Variants in NDUFB7 observed in about 807,000 individuals in gnomAD.
NDUFB7 encodes NADH:ubiquinone oxidoreductase subunit B7.
NDUFB7 carries 18 observed loss-of-function variants against 14.7 expected under a neutral mutation model. The ratio of observed to expected loss-of-function variants is 1.22; its 90% CI spans 0.85 to 1.81. NDUFB7 has a LOEUF of 1.81. NDUFB7 is among the 40% of genes most tolerant of loss of function. NDUFB7 has a pLI of 0.00. For synonymous variants in NDUFB7, 86 were observed against 76.1 expected, an observed-to-expected ratio of 1.13 and a Z score of -0.68; for missense variants, 219 against 195.0, an observed-to-expected ratio of 1.12 and a Z score of -0.73.
rs2074091820 is a variant in NDUFB7, at chr19:14,566,821, G to T, written c.225C>A (p.Pro75=). 4 of 1,550,874 alleles carry T rather than the reference G, an allele frequency of 2.6e-6. No individual in the cohort carries two copies. The highest frequency in any genetic ancestry group is 3.5e-6 in the Non-Finnish European group (4 of 1,148,708). Residue 75 remains proline (P), a synonymous_variant, in exon 2 of 3, where the codon CCC becomes CCA. Transcript: ENST00000215565. ...GCTCCTGCTTGCAGGCCAGGAAGTT[G>T]GGGAAGCTGTCACGCTTGCACTTGA... ...RLLKCKRDSF[P]NFLACKQERH...
chr19:14,566,650 G>A (rs2074088957), intron 2 of NDUFB7, 115 bp downstream of exon 2: 1 of 970,620 alleles, frequency 1.0e-6, no homozygotes, highest in Non-Finnish European at 1.5e-6. Flanking sequence ...GGGGGTGGGA[G>A]GGGGGCTTGG....
At position 14,566,795 on chromosome 19, in the gene NDUFB7, C is replaced by T. The variant is rs559060112; in HGVS notation, c.251G>A (p.Arg84Gln). 56 of 1,546,184 alleles carry T rather than the reference C, an allele frequency of 3.6e-5. 1 individual carries two copies. Among genetic ancestry groups the T allele is most frequent in the Non-Finnish European group, 4.1e-5 (47 of 1,146,868 alleles). The change falls in exon 2 of 3, where the codon CGG becomes CAG. Residue 84 changes from arginine to glutamine, a missense_variant. Physicochemically the swap from Arg to Gln is conservative, Grantham distance 43. Coordinates refer to ENST00000215565, the MANE Select transcript of NDUFB7 (RefSeq NM_004146.6). ...GTGCTCGCAGTAGTCCCAGTCGTGC[C>T]GCTCCTGCTTGCAGGCCAGGAAGTT... The part of the protein sequence containing the change: ...FPNFLACKQE[R>Q]HDWDYCEHRD...
At chr19:14,571,827 T>C in intron 1 of NDUFB7, 62 bp downstream of exon 1, 2 of 1,476,408 alleles carry the variant, frequency 1.4e-6, no homozygotes, top group Admixed American at 1.9e-5. Context: ...AGCCCTGGGG[T>C]GCCAGGTGTT....
In NDUFB7 at chr19:14,567,227, A is replaced by G. The variant is rs1208673689; in HGVS notation, c.113-294T>C. On this transcript the variant is annotated intron_variant, in intron 1 of 2. Coordinates refer to ENST00000215565, the MANE Select transcript of NDUFB7 (RefSeq NM_004146.6). This position sits in a 1 kb window ranked among gnomAD's most constrained non-coding sequence, Gnocchi z 5.1. Reference sequence around the variant, plus strand: ...GTGCCGGATCCTTGCCTCCCCTCCCACAGGGATGCCCGTCCCCAGCTCTCT... The same window carrying G: ...GTGCCGGATCCTTGCCTCCCCTCCCGCAGGGATGCCCGTCCCCAGCTCTCT... 2.0e-5 allele frequency among the ~76,000 whole-genome samples: 3 copies of G among 151,880 alleles called. No homozygotes were observed. Among genetic ancestry groups the G allele is most frequent in the Non-Finnish European group, 4.4e-5 (3 of 67,936 alleles).
chr19:14,571,584 C>T (rs1197894040), intron 1 of NDUFB7, among the ~76,000 whole-genome samples: 1 of 147,936 alleles, frequency 6.8e-6, no homozygotes, highest in Non-Finnish European at 1.5e-5. Flanking sequence ...AAAGAAAAAG[C>T]GAGACTCCGT....
At chr19:14,569,278 G>C (rs2074111034) in intron 1 of NDUFB7, among the ~76,000 whole-genome samples, 1 of 151,906 alleles carries the variant, frequency 6.6e-6, no homozygotes, top group Admixed American at 6.6e-5. Context: ...CGGTCAGCAG[G>C]GACTGCAGGA....
rs184921678 is a variant in NDUFB7 at position 14,567,495 on chromosome 19, G to A, written c.113-562C>T. 5.9e-5 allele frequency among the ~76,000 whole-genome samples: 9 copies of A among 152,274 alleles called. No individual in the cohort carries two copies. Among genetic ancestry groups the A allele is most frequent in the Admixed American group, 4.6e-4 (7 of 15,286 alleles). On this transcript the variant is annotated intron_variant, in intron 1 of 2. Transcript: ENST00000215565. The surrounding 1 kb of genome is among the most constrained non-coding windows in gnomAD (Gnocchi z 5.1). The stretch of plus-strand genomic sequence containing the variant: ...AACAGTACCTGTAAGGTACTTAGGC[G>A]TGGGCTCAGAAGACAGCTGGACTAG...
chr19:14,568,376 T>G (rs546268495), intron 1 of NDUFB7, among the ~76,000 whole-genome samples: 1 of 152,164 alleles, frequency 6.6e-6, no homozygotes, highest in Non-Finnish European at 1.5e-5. Context: ...CCGCCCCGTA[T>G]GTAGATGAGC....
At chr19:14,566,992 T>A in intron 1 of NDUFB7, 59 bp from the exon 2 acceptor site, 1 of 1,500,122 alleles carries the variant, frequency 6.7e-7, no homozygotes. Flanking sequence ...ATTCCGGGGA[T>A]CCCCAGGGGA....
At chr19:14,571,423 C>T (rs2074124353) in intron 1 of NDUFB7, among the ~76,000 whole-genome samples, 1 of 152,046 alleles carries the variant, frequency 6.6e-6, no homozygotes, top group Non-Finnish European at 1.5e-5. Context: ...AGGAGAAACC[C>T]CGTCTCTACT....
chr19:14,566,628 G>C (rs1001582747), intron 2 of NDUFB7, 137 bp downstream of exon 2: 2 of 788,646 alleles, frequency 2.5e-6, no homozygotes, highest in East Asian at 5.5e-5. Context: ...GGTGCAGGCT[G>C]TGGGTGTTGG....
In NDUFB7 at chr19:14,569,097, C is replaced by A. The variant is rs1047498193; in HGVS notation, c.113-2164G>T. Reference sequence around the variant, plus strand: ...GGCTGAGGCGGGAGAATCGCTTGAACCGGGAAGGCAGATGTTGCAGTGAGC... The same window carrying A: ...GGCTGAGGCGGGAGAATCGCTTGAAACGGGAAGGCAGATGTTGCAGTGAGC... On this transcript the variant is annotated intron_variant, in intron 1 of 2. Transcript: ENST00000215565. Among the ~76,000 whole-genome samples, 51 of 152,008 alleles carry A rather than the reference C, an allele frequency of 3.4e-4. 1 individual carries two copies. The highest frequency in any genetic ancestry group is 1.2e-3 in the African/African-American group (49 of 41,392).
intron 1 of NDUFB7, among the ~76,000 whole-genome samples, chr19:14,569,086 A>T (rs1233353960): frequency 6.6e-6 from 1 of 152,034 alleles, no homozygotes; most frequent in East Asian, 1.9e-4. Context: ...GAGGCGGGAG[A>T]ATCGCTTGAA....
chr19:14,566,643 G>A, intron 2 of NDUFB7, 122 bp downstream of exon 2: 1 of 912,686 alleles, frequency 1.1e-6, no homozygotes, highest in Non-Finnish European at 1.6e-6. Context: ...TGTTGGCGGG[G>A]GTGGGAGGGG....
At chr19:14,570,723 C>A (rs975059517) in intron 1 of NDUFB7, among the ~76,000 whole-genome samples, 1 of 152,236 alleles carries the variant, frequency 6.6e-6, no homozygotes, top group African/African-American at 2.4e-5. Flanking sequence ...ATCTTTCCCA[C>A]TGTGCTGAGT....
chr19:14,569,289 A>G (rs1490080213), intron 1 of NDUFB7, among the ~76,000 whole-genome samples: 1 of 152,080 alleles, frequency 6.6e-6, no homozygotes, highest in East Asian at 1.9e-4. Context: ...GACTGCAGGA[A>G]TGCGCCACCA....
At position 14,571,635 on chromosome 19, in the gene NDUFB7, G is replaced by A. The variant is rs563931795; in HGVS notation, c.112+254C>T. On this transcript the variant is annotated intron_variant, in intron 1 of 2. Transcript: ENST00000215565. Reference sequence around the variant, plus strand: ...AAAAAGACTCGACCCAGCTCTGCGCGTCGCATTCCTGCCCGAACCCCCACT... The same window carrying A: ...AAAAAGACTCGACCCAGCTCTGCGCATCGCATTCCTGCCCGAACCCCCACT... Among the ~76,000 whole-genome samples the A allele has an allele frequency of 2.3e-4, 35 of 151,448 alleles. No homozygotes were observed. The South Asian group carries it at 6.9e-3, about 30-fold the overall frequency.
At chr19:14,570,174 G>C (rs1460047122) in intron 1 of NDUFB7, among the ~76,000 whole-genome samples, 2 of 151,658 alleles carry the variant, frequency 1.3e-5, no homozygotes, top group African/African-American at 4.8e-5. Flanking sequence ...TGGGATTACA[G>C]GCATAAGCCA....
At chr19:14,566,301 C>A (rs756177276) in intron 2 of NDUFB7, 36 bp from the exon 3 acceptor site, 3 of 1,612,630 alleles carry the variant, frequency 1.9e-6, no homozygotes, top group Non-Finnish European at 1.7e-6. Flanking sequence ...GTCAGGGTCC[C>A]TGGCCAGGAC....
Sources: gnomAD v4.1 joint callset for allele counts (sites outside exome capture counted in the v4.1 genomes callset) on GRCh38, gnomAD v4.1.1 for gene constraint, Gnocchi (gnomAD v3.1) non-coding constraint, MANE v1.5 for transcripts, NCBI Gene and HGNC (gene_info 2026-07-23, HGNC 2026-07-21) for gene names.